Variants in PTPRJ observed in about 807,000 individuals in gnomAD.
The protein encoded by PTPRJ is receptor-type tyrosine-protein phosphatase eta.
A neutral mutation model predicts 141.3 loss-of-function variants in PTPRJ; 129 were observed. That is an observed-to-expected ratio of 0.91 (90% CI 0.79 to 1.06). The LOEUF is 1.06. PTPRJ is among the 50% of genes least tolerant of loss of function. The pLI is 0.00. For synonymous variants in PTPRJ, 610 were observed against 640.5 expected (o/e 0.95, Z 0.72); for missense variants, 1,601 against 1,679.7 (o/e 0.95, Z 0.82).
rs552757194 is a variant in PTPRJ, at chr11:48,150,636, G to A, written c.3138+453G>A. ...TATATGAGCTGGAAAGAAACCAAAT[G>A]GGCATGTAGAGGTCTGGGGCTTGAT... is the stretch of plus-strand genomic sequence containing the variant. On this transcript the variant is annotated intron_variant, in intron 18 of 24. Coordinates refer to ENST00000418331, the MANE Select transcript of PTPRJ (RefSeq NM_002843.4). 7.9e-5 allele frequency among the ~76,000 whole-genome samples: 12 copies of A among 152,296 alleles called. No homozygotes were observed. The East Asian group carries it at 2.1e-3, about 27-fold the overall frequency.
At chr11:48,046,773 A>C (rs1854408736) in intron 1 of PTPRJ, among the ~76,000 whole-genome samples, 1 of 151,764 alleles carries the variant, frequency 6.6e-6, no homozygotes. Context: ...GTGTAAACTT[A>C]GGCTCAGAGA....
At chr11:48,131,051 C>CATATATAT (rs1260358599) in intron 8 of PTPRJ, among the ~76,000 whole-genome samples, 13 of 112,074 alleles carry the variant, frequency 1.2e-4, no homozygotes, top group African/African-American at 5.2e-4. Flanking sequence ...CACACACACA[C>CATATATAT]ATATATATAT....
chr11:48,149,284 A>G (rs1857421810), intron 15 of PTPRJ, among the ~76,000 whole-genome samples, 163 bp from the exon 16 acceptor site: 2 of 152,156 alleles, frequency 1.3e-5, no homozygotes, highest in African/African-American at 4.8e-5. Flanking sequence ...TGGGTCATTA[A>G]GTTTAGTATT....
At chr11:48,033,618 T>C (rs1032764946) in intron 1 of PTPRJ, among the ~76,000 whole-genome samples, 1 of 152,174 alleles carries the variant, frequency 6.6e-6, no homozygotes, top group African/African-American at 2.4e-5. Flanking sequence ...ATGGATTAAC[T>C]GTGTGGGTGT....
chr11:48,014,008 G>A (rs1854884036), intron 1 of PTPRJ, among the ~76,000 whole-genome samples: 1 of 152,202 alleles, frequency 6.6e-6, no homozygotes, highest in South Asian at 2.1e-4. Flanking sequence ...GGTGAAGCCA[G>A]CTGTTTAGGT....
At chr11:48,059,110 CTTTTTT>C (rs917350262) in intron 1 of PTPRJ, among the ~76,000 whole-genome samples, 2 of 102,160 alleles carry the variant, frequency 2.0e-5, no homozygotes, top group Non-Finnish European at 3.8e-5. Flanking sequence ...TGTGCTGTGC[CTTTTTT>C]TTTTTTTTTT....
intron 14 of PTPRJ, 32 bp downstream of exon 14, chr11:48,145,156 T>A (rs781653055): frequency 1.2e-5 from 19 of 1,612,216 alleles, no homozygotes; most frequent in Non-Finnish European, 1.4e-5. Context: ...TGGCACTGGT[T>A]CAGTGGCATT....
At chr11:48,135,246 C>G (rs1857069376) in intron 8 of PTPRJ, among the ~76,000 whole-genome samples, 1 of 142,038 alleles carries the variant, frequency 7.0e-6, no homozygotes, top group South Asian at 2.2e-4. Context: ...GCGATCTTGG[C>G]TCACTGCAAC....
At position 48,049,557 on chromosome 11, in the gene PTPRJ, AAAC is replaced by A. The variant is rs1854502325; in HGVS notation, c.97-60498_97-60496del. Reference sequence around the variant, plus strand: ...AAACAAAACAAAACAAAACAAAACAAAACAAAACAAGTCGGGTGTGGTGGCGCA... The same window carrying A: ...AAACAAAACAAAACAAAACAAAACAAAAAACAAGTCGGGTGTGGTGGCGCA... On this transcript the variant is annotated intron_variant, in intron 1 of 24. Transcript: ENST00000418331. Among the ~76,000 whole-genome samples the A allele has an allele frequency of 2.0e-5, 3 of 149,642 alleles. No homozygotes were observed. The South Asian group carries it at 6.3e-4, about 31-fold the overall frequency.
At chr11:48,066,589 A>ATTATTG (rs1855090273) in intron 1 of PTPRJ, among the ~76,000 whole-genome samples, 1 of 136,852 alleles carries the variant, frequency 7.3e-6, no homozygotes, top group African/African-American at 2.8e-5. Context: ...TATTATTATT[A>ATTATTG]TTATTATTAT....
chr11:48,123,614 G>C lies in PTPRJ; in HGVS notation c.618G>C (p.Glu206Asp). 6.2e-7 allele frequency: 1 copy of C among 1,611,754 alleles called. No individual in the cohort carries two copies. Among genetic ancestry groups the C allele is most frequent in the Non-Finnish European group, 8.5e-7 (1 of 1,179,034 alleles). The change falls in exon 5 of 25, where the codon GAG (glutamate) becomes GAC (aspartate). Residue 206 changes from glutamate (E) to aspartate (D), a missense_variant and splice_region_variant. Transcript: ENST00000418331. ...ATGCATGTTGTATTTTTAAAATAGA[G>C]CCGATCCCAGTTTCTGATCTCCGTG... ...GDPRVIKVIT[E>D]PIPVSDLRVA...
chr11:48,134,293 A>G (rs1380321906), intron 8 of PTPRJ, among the ~76,000 whole-genome samples: 2 of 152,182 alleles, frequency 1.3e-5, no homozygotes, highest in African/African-American at 2.4e-5. Flanking sequence ...ACTTTCCCCT[A>G]TAGTTAGCAT....
At chr11:47,983,838 T>G (rs1234791219) in intron 1 of PTPRJ, among the ~76,000 whole-genome samples, 1 of 152,216 alleles carries the variant, frequency 6.6e-6, no homozygotes, top group African/African-American at 2.4e-5. Flanking sequence ...GATAGCTGTT[T>G]TATTGGTCTT....
At chr11:48,000,450 T>G (rs1481051319) in intron 1 of PTPRJ, among the ~76,000 whole-genome samples, 2 of 152,108 alleles carry the variant, frequency 1.3e-5, no homozygotes, top group African/African-American at 4.8e-5. Context: ...CTGGCTTGCT[T>G]CTTTCCCGTA....
intron 22 of PTPRJ, among the ~76,000 whole-genome samples, chr11:48,162,227 TACAA>T (rs1453268165): frequency 6.6e-6 from 1 of 152,076 alleles, no homozygotes; most frequent in Non-Finnish European, 1.5e-5. Flanking sequence ...ATCGAGAAAT[TACAA>T]ACAGAGCTAA....
chr11:48,010,577 C>T (rs1854758129), intron 1 of PTPRJ, among the ~76,000 whole-genome samples: 1 of 152,006 alleles, frequency 6.6e-6, no homozygotes, highest in South Asian at 2.1e-4. Context: ...CACTCTGTCA[C>T]CCAGTCTGGG....
intron 1 of PTPRJ, among the ~76,000 whole-genome samples, chr11:47,992,450 GGT>G (rs1240680453): frequency 6.6e-6 from 1 of 152,158 alleles, no homozygotes; most frequent in Admixed American, 6.5e-5. Context: ...TGGAATTACA[GGT>G]GTGAGTCACC....
At chr11:48,009,547 G>C (rs1431929409) in intron 1 of PTPRJ, among the ~76,000 whole-genome samples, 1 of 152,188 alleles carries the variant, frequency 6.6e-6, no homozygotes, top group Non-Finnish European at 1.5e-5. Flanking sequence ...AGCGAGCCGA[G>C]ATTGTGCCAC....
At chr11:48,068,303 A>C (rs1242222958) in intron 1 of PTPRJ, among the ~76,000 whole-genome samples, 1 of 152,028 alleles carries the variant, frequency 6.6e-6, no homozygotes, top group African/African-American at 2.4e-5. Flanking sequence ...TCCCCACCTA[A>C]ATTTCACCTT....
Sources: allele counts gnomAD v4.1 joint callset (sites outside exome capture counted in the v4.1 genomes callset), GRCh38; gene constraint gnomAD v4.1.1; transcripts MANE v1.5; gene names NCBI Gene and HGNC (gene_info 2026-07-23, HGNC 2026-07-21).